ESRRG: variants seen among roughly 807,000 people sequenced by gnomAD.
ESRRG encodes estrogen related receptor gamma.
In ESRRG, 13 loss-of-function variants were observed where a neutral mutation model predicts 44.0. That is an observed-to-expected ratio of 0.30 (90% confidence interval 0.19 to 0.47). ESRRG has a LOEUF of 0.47. Among genes scored for constraint, ESRRG ranks in the 20% least tolerant of loss-of-function variants. The probability of loss-of-function intolerance (pLI) is 1.00; values close to 1 mark genes in which losing one functional copy is unlikely to be tolerated. For synonymous variants in ESRRG, 215 were observed against 214.6 expected (o/e 1.00, Z -0.02); for missense variants, 395 against 580.6 (o/e 0.68, Z 3.29).
chr1:216,787,599 C>CAAAAA (rs34433548), intron 2 of ESRRG, among the ~76,000 whole-genome samples: 8 of 76,396 alleles, frequency 1.0e-4, no homozygotes, highest in East Asian at 4.2e-4. Context: ...AAGACTCCAT[C>CAAAAA]AAAAAAAAAA....
In ESRRG at chr1:216,614,326, T is replaced by G. The variant is rs147775194; in HGVS notation, c.589+36647A>C. Among the ~76,000 whole-genome samples, 417 of 140,930 alleles carry G rather than the reference T, an allele frequency of 3.0e-3. 3 individuals carry two copies. Among genetic ancestry groups the G allele is most frequent in the African/African-American group, 0.011 (401 of 37,204 alleles). The allele number at this position is 140,930 out of a possible 152,430, so 92.5% of individuals were successfully genotyped here. ...AAATCCAACATAATTTGTGACCCTC[T>G]GTGACATCCTCTTTCTCTTTTTTTT... On this transcript the variant is annotated intron_variant, in intron 3 of 6. Coordinates refer to ENST00000408911, the MANE Select transcript of ESRRG (RefSeq NM_001438.4).
At chr1:216,782,482 T>C (rs2093971478) in intron 2 of ESRRG, among the ~76,000 whole-genome samples, 1 of 152,112 alleles carries the variant, frequency 6.6e-6, no homozygotes, top group African/African-American at 2.4e-5. Context: ...AACTAAAAAA[T>C]TCAAGCCTCA....
At chr1:217,120,278 C>T (rs2092802359) in intron 1 of ESRRG, among the ~76,000 whole-genome samples, 2 of 152,060 alleles carry the variant, frequency 1.3e-5, no homozygotes, top group Non-Finnish European at 2.9e-5. Flanking sequence ...TATTTTATTT[C>T]ATTTCATACC....
intron 2 of ESRRG, among the ~76,000 whole-genome samples, chr1:216,754,243 G>T (rs2092300421): frequency 6.6e-6 from 1 of 152,072 alleles, no homozygotes; most frequent in East Asian, 1.9e-4. Flanking sequence ...TCACCAAGGG[G>T]TCTAAACCCT....
chr1:216,759,166 T>C (rs1480003788), intron 2 of ESRRG, among the ~76,000 whole-genome samples: 1 of 152,110 alleles, frequency 6.6e-6, no homozygotes, highest in Non-Finnish European at 1.5e-5. Flanking sequence ...ATTTGCAAGT[T>C]TTTGTACCTC....
intron 2 of ESRRG, among the ~76,000 whole-genome samples, chr1:216,876,959 C>A (rs548476202): frequency 1.4e-5 from 2 of 146,006 alleles, no homozygotes; most frequent in South Asian, 4.5e-4. Context: ...TTGTCTGATT[C>A]GAGAATCTCT....
chr1:216,839,678 A>G (rs1181389856), intron 2 of ESRRG, among the ~76,000 whole-genome samples: 1 of 152,160 alleles, frequency 6.6e-6, no homozygotes, highest in African/African-American at 2.4e-5. Flanking sequence ...CATCTCCATC[A>G]GAGCTCTTGG....
intron 1 of ESRRG, among the ~76,000 whole-genome samples, chr1:217,101,346 C>T (rs830319): frequency 0.96 from 146,484 of 152,310 alleles, 70,727 homozygotes; most frequent in Middle Eastern, 1. Flanking sequence ...TTCAGTGAGA[C>T]AATGTATATG....
At chr1:216,557,364 A>G (rs1419999058) in intron 5 of ESRRG, among the ~76,000 whole-genome samples, 1 of 152,176 alleles carries the variant, frequency 6.6e-6, no homozygotes, top group African/African-American at 2.4e-5. Flanking sequence ...ATGACAATGA[A>G]CAACAGAAAA....
chr1:216,652,651 C>T (rs757670963), intron 2 of ESRRG, among the ~76,000 whole-genome samples: 13 of 151,996 alleles, frequency 8.6e-5, no homozygotes, highest in Admixed American at 1.3e-4. Flanking sequence ...CATCACCTTC[C>T]TTGGAGATAT....
At chr1:217,109,238 G>A (rs1418178372) in intron 1 of ESRRG, among the ~76,000 whole-genome samples, 1 of 152,004 alleles carries the variant, frequency 6.6e-6, no homozygotes, top group Non-Finnish European at 1.5e-5. Context: ...AATATTCTAA[G>A]GGAACTCCAT....
intron 1 of ESRRG, among the ~76,000 whole-genome samples, chr1:216,979,261 G>C (rs997163286): frequency 6.6e-6 from 1 of 152,080 alleles, no homozygotes; most frequent in Non-Finnish European, 1.5e-5. Context: ...GTTAATGTGT[G>C]ATTCAGGATT....
At chr1:216,746,651 C>G (rs1368974020) in intron 2 of ESRRG, among the ~76,000 whole-genome samples, 1 of 152,010 alleles carries the variant, frequency 6.6e-6, no homozygotes, top group Non-Finnish European at 1.5e-5. Flanking sequence ...TATTTAGATC[C>G]TATAGCTGAT....
At chr1:216,880,170 G>T (rs1380229627) in intron 2 of ESRRG, among the ~76,000 whole-genome samples, 1 of 151,416 alleles carries the variant, frequency 6.6e-6, no homozygotes, top group African/African-American at 2.4e-5. Context: ...AGCCAGGCAT[G>T]GTGGTGGGCG....
At chr1:216,914,535 T>C (rs115065580) in intron 2 of ESRRG, among the ~76,000 whole-genome samples, 48 of 152,172 alleles carry the variant, frequency 3.2e-4, no homozygotes, top group Non-Finnish European at 5.9e-4. Context: ...CATCTCAGTA[T>C]GAAAAAAAAG....
At chr1:217,114,231 TG>T (rs1221699556) in intron 1 of ESRRG, among the ~76,000 whole-genome samples, 1 of 151,924 alleles carries the variant, frequency 6.6e-6, no homozygotes. Context: ...AAATAAACCT[TG>T]TTGTGGGCCT....
chr1:216,809,456 T>G (rs2094903082), intron 2 of ESRRG, among the ~76,000 whole-genome samples: 1 of 152,106 alleles, frequency 6.6e-6, no homozygotes, highest in African/African-American at 2.4e-5. Flanking sequence ...ATTTCTATCA[T>G]TTGAGGTCTT....
intron 2 of ESRRG, among the ~76,000 whole-genome samples, chr1:216,916,721 C>T (rs1192119965): frequency 3.3e-5 from 5 of 151,874 alleles, no homozygotes; most frequent in South Asian, 2.1e-4. Flanking sequence ...TCAAATACCA[C>T]GGGATCCCAT....
At chr1:216,814,325 C>T (rs762431786) in intron 2 of ESRRG, among the ~76,000 whole-genome samples, 16 of 152,132 alleles carry the variant, frequency 1.1e-4, no homozygotes, top group Non-Finnish European at 2.2e-4. Flanking sequence ...AATTCACAAC[C>T]TACAGGGAGT....
Sources: allele counts gnomAD v4.1 joint callset (sites outside exome capture counted in the v4.1 genomes callset), GRCh38; gene constraint gnomAD v4.1.1; transcripts MANE v1.5; gene names NCBI Gene and HGNC (gene_info 2026-07-23, HGNC 2026-07-21).